DDX4: variants seen among roughly 807,000 people sequenced by gnomAD.
DDX4 encodes the protein DEAD-box helicase 4, also known as probable ATP-dependent RNA helicase DDX4.
DDX4 carries 25 observed loss-of-function variants against 100.0 expected under a neutral mutation model. That is an observed-to-expected ratio of 0.25 (90% CI 0.18 to 0.35). The LOEUF (loss-of-function observed/expected upper bound fraction) is 0.35, where lower values mean the gene tolerates loss of function less well. Ranked by LOEUF, DDX4 falls within the 10% of genes least tolerant of loss-of-function variation. DDX4 has a pLI of 1.00. For missense variants in DDX4, 635 were observed against 882.4 expected (o/e 0.72, Z 3.55); for synonymous variants, 259 against 275.7 (o/e 0.94, Z 0.60).
chr5:55,752,347 C>T (rs1478054947), intron 3 of DDX4, among the ~76,000 whole-genome samples: 4 of 125,582 alleles, frequency 3.2e-5, no homozygotes, highest in Admixed American at 1.8e-4. Context: ...CCCCACCCCA[C>T]AACAGTCCCC....
At position 55,785,426 on chromosome 5, in the gene DDX4, T is replaced by C. The variant is rs748231812; in HGVS notation, c.674-21T>C. ...CAATTTTAAAAAACATGTATCTCTT[T>C]TTTATTTGATCCTCTTCAAGATTCT... On this transcript the variant is annotated intron_variant, in intron 11 of 21. Coordinates refer to ENST00000505374, the MANE Select transcript of DDX4 (RefSeq NM_024415.3). 2.7e-5 allele frequency: 44 copies of C among 1,603,938 alleles called. No homozygotes were observed. In the Admixed American group the frequency reaches 2.9e-4, roughly 11 times the overall value.
chr5:55,743,517 C>A (rs944714087), intron 2 of DDX4, among the ~76,000 whole-genome samples: 1 of 152,154 alleles, frequency 6.6e-6, no homozygotes, highest in African/African-American at 2.4e-5. Context: ...TCAAGCTCCA[C>A]CTCCTGGGTT....
At chr5:55,801,390 G>C (rs993581103) in intron 18 of DDX4, among the ~76,000 whole-genome samples, 1 of 152,108 alleles carries the variant, frequency 6.6e-6, no homozygotes, top group Non-Finnish European at 1.5e-5. Context: ...TTAATTTAGA[G>C]GTAGATGTAA....
intron 7 of DDX4, chr5:55,773,038 A>T (rs1019444888): frequency 6.6e-6 from 1 of 152,250 alleles, no homozygotes; most frequent in Non-Finnish European, 1.5e-5. Context: ...ACAAAATGCT[A>T]TAAACTGGGT....
chr5:55,766,975 C>T (rs1408562206), intron 6 of DDX4: 3 of 1,532,640 alleles, frequency 2.0e-6, no homozygotes, highest in East Asian at 2.5e-5. Flanking sequence ...AGGTAGTTTT[C>T]AGGCAGCCTT....
In DDX4 at chr5:55,786,653, A is replaced by G; in HGVS notation, c.1000A>G (p.Thr334Ala). The G allele has an allele frequency of 6.2e-7, 1 of 1,613,438 alleles. No homozygotes were observed. Among genetic ancestry groups the G allele is most frequent in the Non-Finnish European group, 8.5e-7 (1 of 1,179,450 alleles). The change falls in exon 14 of 22, where the codon ACA becomes GCA. Residue 334 changes from threonine (T) to alanine (A), a missense_variant. Physicochemically the swap from Thr to Ala is moderately conservative, Grantham distance 58. Coordinates refer to ENST00000505374, the MANE Select transcript of DDX4 (RefSeq NM_024415.3). ...ACGAGATTTGATGGCTTGCGCTCAA[A>G]CAGGGTCTGGGAAGACTGTAAGTCT... ...AGRDLMACAQ[T>A]GSGKTAAFLL... is the part of the protein sequence containing the mutation.
At chr5:55,795,726 TTG>T (rs375386641) in intron 17 of DDX4, among the ~76,000 whole-genome samples, 279 of 152,216 alleles carry the variant, frequency 1.8e-3, no homozygotes, top group African/African-American at 4.8e-3. Flanking sequence ...TGAGCCATGA[TTG>T]TGTGCCCCTG....
chr5:55,794,280 C>T (rs970288082), intron 17 of DDX4, among the ~76,000 whole-genome samples: 11 of 151,404 alleles, frequency 7.3e-5, no homozygotes, highest in African/African-American at 2.4e-4. Context: ...CTCAATCTCC[C>T]GGGTTCAAGC....
rs369016313 is a variant in DDX4, at chr5:55,815,937, GTT to G, written c.2098-507_2098-506del. On this transcript the variant is annotated intron_variant, in intron 21 of 21. Coordinates refer to ENST00000505374, the MANE Select transcript of DDX4 (RefSeq NM_024415.3). ...CAGGCATGTGCCACCATCTTAGCTG[GTT>G]TTTTTTTTTTTTTTTTTTGTATTTT... Among the ~76,000 whole-genome samples the G allele has an allele frequency of 6.9e-3, 758 of 109,132 alleles. 8 individuals are homozygous for G. Among genetic ancestry groups the G allele is most frequent in the African/African-American group, 0.025 (702 of 27,796 alleles). 71.6% of individuals were successfully genotyped at this position (109,132 alleles called of 152,430 possible).
intron 18 of DDX4, among the ~76,000 whole-genome samples, chr5:55,805,460 T>C (rs1407448083): frequency 1.3e-5 from 2 of 151,470 alleles, no homozygotes; most frequent in African/African-American, 4.9e-5. Flanking sequence ...GGCTGTGGGT[T>C]TGTCATAGAT....
intron 1 of DDX4, 132 bp from the exon 2 acceptor site, chr5:55,738,818 A>G (rs1334232668): frequency 3.0e-6 from 2 of 660,850 alleles, no homozygotes; most frequent in East Asian, 5.3e-5. Flanking sequence ...CCTTCTTTGG[A>G]AAAAACTTTT....
At chr5:55,812,512 C>G (rs6450350) in intron 18 of DDX4, among the ~76,000 whole-genome samples, 1 of 120,952 alleles carries the variant, frequency 8.3e-6, no homozygotes, top group Non-Finnish European at 2.0e-5. Flanking sequence ...TGCAGTGAGC[C>G]GAGATTGTGC....
At chr5:55,742,049 C>T (rs1759006230) in intron 2 of DDX4, 1 of 397,012 alleles carries the variant, frequency 2.5e-6, no homozygotes, top group Middle Eastern at 3.6e-4. Context: ...TGTCATTGTT[C>T]TAGTATAACA....
At position 55,749,521 on chromosome 5, in the gene DDX4, C is replaced by T. The variant is rs148834652; in HGVS notation, c.127+3300C>T. 1.0e-3 allele frequency among the ~76,000 whole-genome samples: 155 copies of T among 152,232 alleles called. 1 individual carries two copies. The highest frequency in any genetic ancestry group is 3.3e-3 in the African/African-American group (137 of 41,544). On this transcript the variant is annotated intron_variant, in intron 3 of 21. Transcript: ENST00000505374. ...TTAGAAAGTCAGCTCTGTGCAGGGA[C>T]GCACTGATGGGCTCTACCGTCAAGT...
At chr5:55,803,594 T>G (rs10064937) in intron 18 of DDX4, among the ~76,000 whole-genome samples, 1 of 149,716 alleles carries the variant, frequency 6.7e-6, no homozygotes, top group African/African-American at 2.5e-5. Context: ...TTTGTTCTTG[T>G]GATAGTTTAC....
intron 18 of DDX4, among the ~76,000 whole-genome samples, chr5:55,810,469 C>G (rs1744059777): frequency 6.6e-6 from 1 of 152,238 alleles, no homozygotes; most frequent in East Asian, 1.9e-4. Flanking sequence ...TTGATCATCC[C>G]TAATCCAAAA....
At chr5:55,780,499 TAAC>T (rs1741842917) in intron 8 of DDX4, among the ~76,000 whole-genome samples, 1 of 152,176 alleles carries the variant, frequency 6.6e-6, no homozygotes, top group African/African-American at 2.4e-5. Context: ...ATGTGCCTCT[TAAC>T]AGAGGAGAAC....
At chr5:55,781,637 C>T (rs1043149767) in intron 9 of DDX4, among the ~76,000 whole-genome samples, 6 of 151,794 alleles carry the variant, frequency 4.0e-5, no homozygotes, top group African/African-American at 1.5e-4. Flanking sequence ...ATTAGCTGGG[C>T]GTGGTGGTAT....
Position 55,796,274 on chromosome 5 carries a change from C to T in DDX4, c.1470-2152C>T, listed in dbSNP as rs183347461. Among the ~76,000 whole-genome samples, 146 of 152,306 alleles carry T rather than the reference C, an allele frequency of 9.6e-4. 1 individual carries two copies. Among genetic ancestry groups the T allele is most frequent in the African/African-American group, 3.2e-3 (135 of 41,574 alleles). On this transcript the variant is annotated intron_variant, in intron 17 of 21. Transcript: ENST00000505374. ...GCACCCTCAGAGACACATCCAGAAACAATGTTTCACTGGCCATCTAGGCAT... is the reference window on the plus strand; with the variant it reads ...GCACCCTCAGAGACACATCCAGAAATAATGTTTCACTGGCCATCTAGGCAT...
Sources: allele counts gnomAD v4.1 joint callset (sites outside exome capture counted in the v4.1 genomes callset), GRCh38; gene constraint gnomAD v4.1.1; transcripts MANE v1.5; gene names NCBI Gene and HGNC (gene_info 2026-07-23, HGNC 2026-07-21).